The following MLXIPL variants were observed in gnomAD, a reference collection of about 807,000 sequenced individuals.
MLXIPL encodes carbohydrate-responsive element-binding protein.
A neutral mutation model predicts 81.5 loss-of-function variants in MLXIPL; 49 were observed. That is an observed-to-expected ratio of 0.60 (90% CI 0.48 to 0.76). The LOEUF is 0.76. Ranked by LOEUF, MLXIPL falls within the 30% of genes least tolerant of loss-of-function variation. MLXIPL has a pLI of 0.00. For synonymous variants in MLXIPL, 466 were observed against 485.5 expected (o/e 0.96, Z 0.53); for missense variants, 1,053 against 1,167.0 (o/e 0.90, Z 1.42).
chr7:73,620,261 G>A (rs983103556), intron 1 of MLXIPL, among the ~76,000 whole-genome samples: 16 of 150,790 alleles, frequency 1.1e-4, no homozygotes, highest in African/African-American at 2.0e-4. Flanking sequence ...AAAATTAGCC[G>A]GGCATGGTGG....
Position 73,597,225 on chromosome 7 carries a change from A to T in MLXIPL, c.1560T>A (p.Thr520=). Residue 520 remains threonine (T), a synonymous_variant, in exon 9 of 17, where the codon ACT becomes ACA. Transcript: ENST00000313375. ...TGAGGCAGGGGTTGTTGCTCCCCGC[A>T]GTGGTGGGGGGACTGGCAGTGGCAG... is the stretch of plus-strand genomic sequence containing the variant. The part of the protein sequence containing the change: ...LAPATASPPT[T]AGSNNPCLTQ... 6.3e-7 allele frequency: 1 copy of T among 1,599,956 alleles called. No individual in the cohort carries two copies. The highest frequency in any genetic ancestry group is 8.5e-7 in the Non-Finnish European group (1 of 1,175,936).
At chr7:73,619,806 T>A (rs1796225183) in intron 1 of MLXIPL, among the ~76,000 whole-genome samples, 1 of 151,736 alleles carries the variant, frequency 6.6e-6, no homozygotes, top group South Asian at 2.1e-4. Flanking sequence ...GGCAGGTGCC[T>A]GTGGTCCCAG....
intron 7 of MLXIPL, among the ~76,000 whole-genome samples, chr7:73,600,941 T>C (rs1794768388): frequency 6.6e-6 from 1 of 150,910 alleles, no homozygotes; most frequent in Non-Finnish European, 1.5e-5. Context: ...GGCACCTTTC[T>C]CTGACCCTGA....
intron 5 of MLXIPL, chr7:73,606,395 G>GTTTT: frequency 2.6e-6 from 1 of 383,642 alleles, no homozygotes; most frequent in Non-Finnish European, 4.7e-6. Flanking sequence ...GGTCCCTCTG[G>GTTTT]TTTTTTTTTT....
At chr7:73,626,644 C>A (rs1796761013), upstream of MLXIPL, among the ~76,000 whole-genome samples, 1 of 152,152 alleles carries the variant, frequency 6.6e-6, no homozygotes. Context: ...TAACTAACAG[C>A]CTCAAAGATG....
chr7:73,638,278 T>A, the MLXIPL span, among the ~76,000 whole-genome samples: 2 of 152,160 alleles, frequency 1.3e-5, no homozygotes, highest in Non-Finnish European at 2.9e-5. Context: ...TCGCTTGAGG[T>A]ACCAGAACAG....
rs185043211 is a variant in MLXIPL at position 73,595,064 on chromosome 7, T to C, written c.2310+573A>G. On this transcript the variant is annotated intron_variant, in intron 15 of 16. Transcript: ENST00000313375. ...TTTTGCCATGTTGGCCAGTCTGGTC[T>C]TGAACTCCTGGCCTCAAGTGATCCA... is the stretch of plus-strand genomic sequence containing the variant. 5.3e-5 allele frequency among the ~76,000 whole-genome samples: 8 copies of C among 152,244 alleles called. No homozygotes were observed. In the East Asian group the frequency reaches 1.5e-3, roughly 29 times the overall value.
chr7:73,616,303 CCCCAA>C (rs2116459589), intron 1 of MLXIPL, 126 bp from the exon 2 acceptor site: 1 of 812,292 alleles, frequency 1.2e-6, no homozygotes, highest in East Asian at 2.6e-5. Context: ...AAATCTGGCC[CCCCAA>C]CCCAACCTGC....
chr7:73,616,161 G>T lies in MLXIPL; in HGVS notation c.310C>A (p.Pro104Thr). 6.2e-7 allele frequency: 1 copy of T among 1,614,010 alleles called. No individual in the cohort carries two copies. Among genetic ancestry groups the T allele is most frequent in the Non-Finnish European group, 8.5e-7 (1 of 1,179,926 alleles). ...AGGCCTTTGAAATTCTTCCACTTGG[G>T]AGACACCAGCTTGCCACTGTCAAAG... Reference protein sequence around the residue: ...SLAYSGKLVSPKWKNFKGLKL... With the variant: ...SLAYSGKLVSTKWKNFKGLKL... Residue 104 changes from proline (P) to threonine (T), a missense_variant, in exon 2 of 17, where the codon CCC becomes ACC. Physicochemically the swap from Pro to Thr is conservative, Grantham distance 38 (BLOSUM62 -1). Coordinates refer to ENST00000313375, the MANE Select transcript of MLXIPL (RefSeq NM_032951.3).
the MLXIPL span, among the ~76,000 whole-genome samples, chr7:73,632,272 G>A: frequency 6.6e-6 from 1 of 152,060 alleles, no homozygotes; most frequent in African/African-American, 2.4e-5. Flanking sequence ...AAAGCACTGA[G>A]ATTATAGGCA....
At chr7:73,612,824 C>T (rs1400572184) in intron 2 of MLXIPL, among the ~76,000 whole-genome samples, 1 of 152,098 alleles carries the variant, frequency 6.6e-6, no homozygotes, top group Non-Finnish European at 1.5e-5. Context: ...CTTCACTCAG[C>T]CGCGGAACCC....
chr7:73,627,481 A>G (rs1554604026), upstream of MLXIPL, among the ~76,000 whole-genome samples: 1 of 151,854 alleles, frequency 6.6e-6, no homozygotes, highest in Non-Finnish European at 1.5e-5. Flanking sequence ...ACTCCTGACC[A>G]CAAGTGATCC....
In MLXIPL at chr7:73,596,386, C is replaced by T. The variant is rs781908299; in HGVS notation, c.1916G>A (p.Arg639Gln). The stretch of plus-strand genomic sequence containing the variant: ...CACCTTGTTGCTGTCTGGACGGCCC[C>T]GGCTGAGGATGGGTTGCGGGGGAGA... ...RVSPPQPILS[R>Q]GRPDSNKTEN... Residue 639 changes from arginine (R) to glutamine (Q), a missense_variant, in exon 12 of 17, where the codon CGG becomes CAG. Coordinates refer to ENST00000313375, the MANE Select transcript of MLXIPL (RefSeq NM_032951.3). The surrounding 1 kb of genome is among the most constrained non-coding windows in gnomAD (Gnocchi z 4.7). 1.2e-5 allele frequency: 19 copies of T among 1,610,894 alleles called. No individual in the cohort carries two copies. Among genetic ancestry groups the T allele is most frequent in the African/African-American group, 2.7e-5 (2 of 74,082 alleles).
At chr7:73,619,791 G>T (rs1047458728) in intron 1 of MLXIPL, among the ~76,000 whole-genome samples, 1 of 151,682 alleles carries the variant, frequency 6.6e-6, no homozygotes, top group African/African-American at 2.4e-5. Flanking sequence ...TTAGCTGGGC[G>T]TGGTGGCAGG....
intron 7 of MLXIPL, among the ~76,000 whole-genome samples, chr7:73,601,573 C>T (rs1227351294): frequency 6.6e-6 from 1 of 152,096 alleles, no homozygotes; most frequent in Non-Finnish European, 1.5e-5. Flanking sequence ...TGCTGTCACC[C>T]AGGTTGGAAT....
the MLXIPL span, among the ~76,000 whole-genome samples, chr7:73,632,109 C>T: frequency 2.0e-5 from 3 of 151,950 alleles, no homozygotes; most frequent in Non-Finnish European, 2.9e-5. Context: ...CCTCCTGCCT[C>T]AGCCTCCTAA....
chr7:73,597,409 G>C lies in MLXIPL; in HGVS notation c.1376C>G (p.Pro459Arg). 1 of 1,435,914 alleles carries C rather than the reference G, an allele frequency of 7.0e-7. No individual in the cohort carries two copies. Among genetic ancestry groups the C allele is most frequent in the Non-Finnish European group, 9.2e-7 (1 of 1,090,682 alleles). 88.9% of individuals were successfully genotyped at this position (1,435,914 alleles called of 1,614,324 possible). A position where few individuals can be genotyped will look rare whatever the true frequency, so the allele number is the denominator to read the frequency against. Reference sequence around the variant, plus strand: ...GGGGGCTGGGCTGGGGACAGACTGTGGGGTGGGTGGGAAGGCTGCAGGAGC... The same window carrying C: ...GGGGGCTGGGCTGGGGACAGACTGTCGGGTGGGTGGGAAGGCTGCAGGAGC... ...LPAPAAFPPT[P>R]QSVPSPAPTP... The change falls in exon 9 of 17, where the codon CCA becomes CGA. Residue 459 changes from proline (P) to arginine (R), a missense_variant. This residue lies in a region of MLXIPL where 823 missense variants were observed against 933.0 expected (regional missense o/e 0.88). Transcript: ENST00000313375.
rs1554592741 is a variant in MLXIPL, at chr7:73,593,946, G to A, written c.2478C>T (p.Thr826=). 2 of 1,614,018 alleles carry A rather than the reference G, an allele frequency of 1.2e-6. No homozygotes were observed. ...TGCGGCCCGGGTCGGTCAGGATACT[G>A]GTAGATGTGCCCAGCTGGCGTAGGG... The part of the protein sequence containing the change: ...LNSLRQLGTS[T]SILTDPGRIP... Residue 826 remains threonine, a synonymous_variant, in exon 17 of 17, where the codon ACC becomes ACT. Coordinates refer to ENST00000313375, the MANE Select transcript of MLXIPL (RefSeq NM_032951.3).
intron 5 of MLXIPL, 176 bp downstream of exon 5, chr7:73,606,798 C>A: frequency 1.4e-6 from 1 of 716,930 alleles, no homozygotes; most frequent in Non-Finnish European, 2.4e-6. Context: ...CTCACCCTCA[C>A]CCCCCAAGAA....
Sources: allele counts gnomAD v4.1 joint callset (sites outside exome capture counted in the v4.1 genomes callset), GRCh38; gene constraint gnomAD v4.1.1; regional missense constraint gnomAD v4.1.1; non-coding constraint Gnocchi (gnomAD v3.1); transcripts MANE v1.5; gene names NCBI Gene and HGNC (gene_info 2026-07-23, HGNC 2026-07-21).